The following CERS6 variants were observed in gnomAD, a reference collection of about 807,000 sequenced individuals.
The protein encoded by CERS6 is LAG1 homolog, ceramide synthase 6.
A neutral mutation model predicts 56.8 loss-of-function variants in CERS6; 26 were observed. The ratio of observed to expected loss-of-function variants is 0.46; its 90% CI spans 0.34 to 0.63. The LOEUF (loss-of-function observed/expected upper bound fraction) is 0.63, where lower values mean the gene tolerates loss of function less well. CERS6 is among the 30% of genes least tolerant of loss of function. The pLI, the probability that CERS6 is intolerant of heterozygous loss-of-function variation, is 0.01. For missense variants in CERS6, 415 were observed against 467.5 expected (o/e 0.89, Z 1.04); for synonymous variants, 164 against 173.3 (o/e 0.95, Z 0.42).
intron 3 of CERS6, among the ~76,000 whole-genome samples, chr2:168,571,036 C>G (rs546651668): frequency 6.6e-6 from 1 of 152,244 alleles, no homozygotes; most frequent in African/African-American, 2.4e-5. Flanking sequence ...TTCTAGGGCC[C>G]CTTCCTTATG....
At chr2:168,461,007 T>A (rs1693769419) in intron 1 of CERS6, among the ~76,000 whole-genome samples, 1 of 152,034 alleles carries the variant, frequency 6.6e-6, no homozygotes, top group African/African-American at 2.4e-5. Context: ...TGTGAGAGCG[T>A]GTTCCTGGTT....
At chr2:168,580,106 A>G (rs1346014702) in intron 3 of CERS6, among the ~76,000 whole-genome samples, 1 of 152,238 alleles carries the variant, frequency 6.6e-6, no homozygotes, top group Non-Finnish European at 1.5e-5. Flanking sequence ...TTAAAAACCT[A>G]ATACAAGTAG....
At chr2:168,474,479 C>T (rs1017422820) in intron 1 of CERS6, among the ~76,000 whole-genome samples, 7 of 152,172 alleles carry the variant, frequency 4.6e-5, no homozygotes, top group Non-Finnish European at 1.0e-4. Flanking sequence ...ATGCATTCCT[C>T]GTGTCCTCCC....
chr2:168,600,371 A>AT (rs1270304715), intron 3 of CERS6, among the ~76,000 whole-genome samples: 1 of 151,670 alleles, frequency 6.6e-6, no homozygotes, highest in African/African-American at 2.4e-5. Context: ...CACCTGGCTA[A>AT]TTTTTTGTAT....
chr2:168,743,801 A>G (rs78449659), intron 8 of CERS6, among the ~76,000 whole-genome samples: 2,075 of 152,224 alleles, frequency 0.014, 48 homozygotes, highest in African/African-American at 0.047. Context: ...TTCACTCACT[A>G]GGTATCCAGC....
chr2:168,738,939 G>A (rs995173680), intron 8 of CERS6, among the ~76,000 whole-genome samples: 3 of 151,870 alleles, frequency 2.0e-5, no homozygotes, highest in Non-Finnish European at 2.9e-5. Context: ...AGGCTGGAGT[G>A]CAGCGGCACT....
At chr2:168,564,776 G>A (rs1695854787) in intron 3 of CERS6, among the ~76,000 whole-genome samples, 1 of 152,174 alleles carries the variant, frequency 6.6e-6, no homozygotes, top group African/African-American at 2.4e-5. Context: ...AGTGAGCACA[G>A]CTACCCCTGC....
intron 8 of CERS6, among the ~76,000 whole-genome samples, chr2:168,752,279 A>ATGTGTGTGTG (rs397870530): frequency 0.046 from 6,067 of 132,462 alleles, 192 homozygotes; most frequent in South Asian, 0.065. Flanking sequence ...AAAAAAATAA[A>ATGTGTGTGTG]TGTGTGTGTG....
intron 4 of CERS6, among the ~76,000 whole-genome samples, chr2:168,639,041 T>TA (rs1016397204): frequency 9.5e-4 from 141 of 147,814 alleles, no homozygotes; most frequent in Non-Finnish European, 1.6e-3. Context: ...ACTCTAGAAA[T>TA]AAAAAAAAAA....
chr2:168,771,141 G>A lies in CERS6; in HGVS notation c.*1479G>A, dbSNP rs1226528213. The stretch of plus-strand genomic sequence containing the variant: ...AACAAAAATGCCATAATATAAATGT[G>A]TGAATCAGGGCTGTGAAGACAACAG... On this transcript the variant is annotated 3_prime_UTR_variant, in exon 10 of 10. Transcript: ENST00000305747. The A allele has an allele frequency of 2.0e-5, 3 of 152,168 alleles. No homozygotes were observed. In the East Asian group the frequency reaches 5.8e-4, roughly 29 times the overall value. The allele number at this position is 152,168 out of a possible 1,614,324, so 9.4% of individuals were successfully genotyped here.
intron 8 of CERS6, among the ~76,000 whole-genome samples, chr2:168,762,332 G>A (rs1684606134): frequency 6.6e-6 from 1 of 152,114 alleles, no homozygotes; most frequent in African/African-American, 2.4e-5. Flanking sequence ...TTAAGTCTCT[G>A]ACTCCCTGCC....
At chr2:168,513,089 G>T (rs1486653449) in intron 1 of CERS6, among the ~76,000 whole-genome samples, 1 of 152,058 alleles carries the variant, frequency 6.6e-6, no homozygotes, top group Admixed American at 6.6e-5. Context: ...TTGAGATTGG[G>T]GCACTAAAAT....
At chr2:168,516,490 A>G (rs1694886871) in intron 1 of CERS6, among the ~76,000 whole-genome samples, 1 of 152,172 alleles carries the variant, frequency 6.6e-6, no homozygotes, top group Admixed American at 6.5e-5. Context: ...TCAGTGCCAT[A>G]TTTCTTTGCC....
intron 1 of CERS6, among the ~76,000 whole-genome samples, chr2:168,495,947 A>G (rs1240993275): frequency 2.0e-5 from 3 of 152,178 alleles, no homozygotes; most frequent in Non-Finnish European, 4.4e-5. Context: ...CCAACTACCC[A>G]GGTGATCTCC....
chr2:168,556,510 A>G (rs2105378113), intron 2 of CERS6, among the ~76,000 whole-genome samples: 1 of 152,280 alleles, frequency 6.6e-6, no homozygotes, highest in Non-Finnish European at 1.5e-5. Context: ...TACTTTCTAT[A>G]TCTATATTTC....
intron 8 of CERS6, among the ~76,000 whole-genome samples, chr2:168,761,262 A>T (rs1363347863): frequency 6.6e-6 from 1 of 152,198 alleles, no homozygotes; most frequent in Non-Finnish European, 1.5e-5. Flanking sequence ...TCTCAAAAGT[A>T]ATCAGAGGTG....
chr2:168,769,289 T>C (rs2105471195), intron 9 of CERS6, among the ~76,000 whole-genome samples: 1 of 152,356 alleles, frequency 6.6e-6, no homozygotes, highest in East Asian at 1.9e-4. Context: ...TCAAGAAGTC[T>C]AGCCCTCCAT....
intron 3 of CERS6, among the ~76,000 whole-genome samples, chr2:168,605,792 G>A (rs1194015655): frequency 6.6e-6 from 1 of 152,226 alleles, no homozygotes; most frequent in Non-Finnish European, 1.5e-5. Flanking sequence ...TGTTAAGCCT[G>A]CAGGTGCACA....
intron 8 of CERS6, among the ~76,000 whole-genome samples, chr2:168,742,894 TTA>T (rs1254639483): frequency 3.9e-5 from 6 of 152,272 alleles, no homozygotes; most frequent in African/African-American, 9.6e-5. Context: ...ATTCTAATGA[TTA>T]TGAGTGTCCC....
Sources: gnomAD v4.1 joint callset for allele counts (sites outside exome capture counted in the v4.1 genomes callset) on GRCh38, gnomAD v4.1.1 for gene constraint, MANE v1.5 for transcripts, NCBI Gene and HGNC (gene_info 2026-07-23, HGNC 2026-07-21) for gene names.